PLCH1: variants seen among roughly 807,000 people sequenced by gnomAD.
The protein encoded by PLCH1 is 1-phosphatidylinositol 4,5-bisphosphate phosphodiesterase eta-1.
PLCH1 carries 60 observed loss-of-function variants against 126.7 expected under a neutral mutation model. That is an observed-to-expected ratio of 0.47 (90% CI 0.38 to 0.59). The LOEUF is 0.59. Ranked by LOEUF, PLCH1 falls within the 20% of genes least tolerant of loss-of-function variation. The pLI is 0.00. For synonymous variants in PLCH1, 719 were observed against 734.9 expected (o/e 0.98, Z 0.35); for missense variants, 1,723 against 2,040.0 (o/e 0.84, Z 2.99).
At chr3:155,653,142 TATA>T in intron 2 of PLCH1, among the ~76,000 whole-genome samples, 1 of 58,292 alleles carries the variant, frequency 1.7e-5, no homozygotes, top group East Asian at 1.3e-3. Flanking sequence ...TAGATATAGA[TATA>T]GATATAGATA....
chr3:155,719,405 T>C (rs1181734186), intron 1 of PLCH1, among the ~76,000 whole-genome samples: 1 of 152,102 alleles, frequency 6.6e-6, no homozygotes, highest in African/African-American at 2.4e-5. Context: ...TTAGGAGATA[T>C]ACCTAATGTA....
intron 2 of PLCH1, among the ~76,000 whole-genome samples, chr3:155,643,952 G>T (rs959677928): frequency 6.6e-6 from 1 of 152,110 alleles, no homozygotes; most frequent in African/African-American, 2.4e-5. Context: ...CAGAGATCCT[G>T]CCCAGTCCCT....
At chr3:155,608,815 C>T (rs769195614) in intron 2 of PLCH1, among the ~76,000 whole-genome samples, 4 of 152,102 alleles carry the variant, frequency 2.6e-5, no homozygotes, top group Admixed American at 2.6e-4. Context: ...CTTTATGGCC[C>T]TGCCCATCGC....
At chr3:155,486,147 CT>C in intron 21 of PLCH1, 1 of 1,536,080 alleles carries the variant, frequency 6.5e-7, no homozygotes, top group Non-Finnish European at 8.8e-7. Context: ...GAGAAACTAC[CT>C]TTGTAGCTCC....
At chr3:155,598,813 G>A (rs116440358) in intron 2 of PLCH1, among the ~76,000 whole-genome samples, 2,816 of 152,278 alleles carry the variant, frequency 0.018, 96 homozygotes, top group African/African-American at 0.066. Context: ...GAAAACAGTA[G>A]CTGGCACATC....
chr3:155,490,796 C>A lies in PLCH1; in HGVS notation c.2380G>T (p.Val794Leu). ...VDCCKDQTRVVDDNGFNPVWE... is the reference protein window; with the variant it reads ...VDCCKDQTRVLDDNGFNPVWE... ...ATTACCATCTTACCATTGTCATCTA[C>A]CACACGGGTTTGATCTTTACAACAA... Residue 794 changes from valine to leucine, a missense_variant, in exon 19 of 23, where the codon GTA becomes TTA. This residue lies in a region of PLCH1 where 776 missense variants were observed against 1,062.9 expected (regional missense o/e 0.73). Coordinates refer to ENST00000460012, the MANE Select transcript of PLCH1 (RefSeq NM_014996.4). The A allele has an allele frequency of 6.4e-7, 1 of 1,570,484 alleles. No individual in the cohort carries two copies. Among genetic ancestry groups the A allele is most frequent in the Non-Finnish European group, 8.8e-7 (1 of 1,140,906 alleles).
chr3:155,695,945 G>T (rs1476894382), intron 2 of PLCH1, among the ~76,000 whole-genome samples: 1 of 152,164 alleles, frequency 6.6e-6, no homozygotes, highest in South Asian at 2.1e-4. Context: ...AAGGCAGATG[G>T]GTACCAGGGC....
intron 2 of PLCH1, among the ~76,000 whole-genome samples, chr3:155,684,252 T>C (rs1476082682): frequency 6.6e-6 from 1 of 151,882 alleles, no homozygotes; most frequent in African/African-American, 2.4e-5. Context: ...AAAGCAAACA[T>C]AGAGATAACC....
At chr3:155,612,085 G>C (rs1426466404) in intron 2 of PLCH1, among the ~76,000 whole-genome samples, 1 of 152,098 alleles carries the variant, frequency 6.6e-6, no homozygotes, top group Non-Finnish European at 1.5e-5. Flanking sequence ...GGGATGCTGA[G>C]GCGGGCAGAT....
chr3:155,674,125 C>T (rs561481540), intron 2 of PLCH1, among the ~76,000 whole-genome samples: 2 of 152,248 alleles, frequency 1.3e-5, no homozygotes, highest in South Asian at 4.1e-4. Context: ...CCTTACATGC[C>T]TCAAGCTTGC....
intron 2 of PLCH1, among the ~76,000 whole-genome samples, chr3:155,663,595 C>T (rs1309335641): frequency 1.3e-5 from 2 of 152,158 alleles, no homozygotes; most frequent in African/African-American, 2.4e-5. Context: ...AAGTAGGAAA[C>T]ATTTACCCAT....
intron 2 of PLCH1, among the ~76,000 whole-genome samples, chr3:155,648,592 T>C (rs990258803): frequency 3.9e-5 from 6 of 152,194 alleles, no homozygotes; most frequent in African/African-American, 7.2e-5. Flanking sequence ...GCATCTACTG[T>C]GTATGAGAAG....
intron 21 of PLCH1, among the ~76,000 whole-genome samples, chr3:155,458,482 G>GAA (rs1576759607): frequency 1.0e-5 from 1 of 98,910 alleles, no homozygotes; most frequent in Non-Finnish European, 1.8e-5. Flanking sequence ...AAGAAAGAAA[G>GAA]AAAGAAAGAA....
At chr3:155,608,462 T>G (rs568017129) in intron 2 of PLCH1, among the ~76,000 whole-genome samples, 1 of 151,858 alleles carries the variant, frequency 6.6e-6, no homozygotes, top group African/African-American at 2.4e-5. Context: ...GCCTGGTGCA[T>G]AGACTGCCTG....
chr3:155,556,211 T>C (rs1255551902), intron 8 of PLCH1, among the ~76,000 whole-genome samples: 1 of 152,106 alleles, frequency 6.6e-6, no homozygotes, highest in South Asian at 2.1e-4. Flanking sequence ...AAATTAGCTG[T>C]GTGTGGTGGC....
chr3:155,505,860 A>G (rs1718578004), intron 12 of PLCH1, among the ~76,000 whole-genome samples: 2 of 148,782 alleles, frequency 1.3e-5, no homozygotes, highest in African/African-American at 2.5e-5. Flanking sequence ...AAGTAGCTAC[A>G]TTTCCTTTAG....
At chr3:155,681,036 CAT>C (rs1230604914) in intron 2 of PLCH1, among the ~76,000 whole-genome samples, 5 of 151,908 alleles carry the variant, frequency 3.3e-5, no homozygotes. Flanking sequence ...AGAATATAGA[CAT>C]ATAGAATAAA....
downstream of PLCH1, among the ~76,000 whole-genome samples, chr3:155,478,534 T>C (rs1346228685): frequency 2.6e-5 from 4 of 152,120 alleles, no homozygotes; most frequent in African/African-American, 4.8e-5. Context: ...TATATGCACC[T>C]ACTGTGTACC....
At chr3:155,665,052 C>T (rs894775519) in intron 2 of PLCH1, among the ~76,000 whole-genome samples, 1 of 142,348 alleles carries the variant, frequency 7.0e-6, no homozygotes, top group South Asian at 2.2e-4. Context: ...TTGGGCATTG[C>T]CCTTTAAAAC....
Sources: allele counts gnomAD v4.1 joint callset (sites outside exome capture counted in the v4.1 genomes callset), GRCh38; gene constraint gnomAD v4.1.1; regional missense constraint gnomAD v4.1.1; transcripts MANE v1.5; gene names NCBI Gene and HGNC (gene_info 2026-07-23, HGNC 2026-07-21).